Variants in MGAT4C observed in about 807,000 individuals in gnomAD.
MGAT4C encodes MGAT4 family member C, also known as alpha-1,3-mannosyl-glycoprotein 4-beta-N-acetylglucosaminyltransferase C.
MGAT4C carries 19 observed loss-of-function variants against 40.1 expected under a neutral mutation model. The ratio of observed to expected loss-of-function variants is 0.47; its 90% CI spans 0.33 to 0.70. The LOEUF (loss-of-function observed/expected upper bound fraction) is 0.70, where lower values mean the gene tolerates loss of function less well. Ranked by LOEUF, MGAT4C falls within the 30% of genes least tolerant of loss-of-function variation. The pLI, the probability that MGAT4C is intolerant of heterozygous loss-of-function variation, is 0.02. For synonymous variants in MGAT4C, 181 were observed against 187.1 expected, an observed-to-expected ratio of 0.97 and a Z score of 0.27; for missense variants, 491 against 563.2, an observed-to-expected ratio of 0.87 and a Z score of 1.30.
intron 1 of MGAT4C, among the ~76,000 whole-genome samples, chr12:86,819,462 G>T (rs1391935231): frequency 6.6e-6 from 1 of 150,986 alleles, no homozygotes; most frequent in South Asian, 2.1e-4. Context: ...CTAGAAACTT[G>T]TAATAATAGA....
intron 1 of MGAT4C, among the ~76,000 whole-genome samples, chr12:86,102,025 T>C (rs371296067): frequency 1.1e-4 from 17 of 151,980 alleles, no homozygotes; most frequent in African/African-American, 4.1e-4. Context: ...ACTGGCCTAA[T>C]TAATCACAAA....
chr12:86,664,551 AGTTAGGG>A lies in MGAT4C; in HGVS notation c.-229+62651_-229+62657del, dbSNP rs1964055761. Among the ~76,000 whole-genome samples, 3 of 152,152 alleles carry A rather than the reference AGTTAGGG, an allele frequency of 2.0e-5. No homozygotes were observed. The South Asian group carries it at 6.2e-4, about 32-fold the overall frequency. On this transcript the variant is annotated intron_variant, in intron 2 of 7. Coordinates refer to the MGAT4C transcript ENST00000548651. ...TTTTAGTTTGTGTAGAAGCATCATAAGTTAGGGACCATCTGTAGTTAAGAATGCTATA... is the reference window on the plus strand; with the variant it reads ...TTTTAGTTTGTGTAGAAGCATCATAAACCATCTGTAGTTAAGAATGCTATA...
chr12:86,169,539 G>A (rs1411490703), intron 1 of MGAT4C, among the ~76,000 whole-genome samples: 1 of 152,102 alleles, frequency 6.6e-6, no homozygotes, highest in Non-Finnish European at 1.5e-5. Context: ...TGCACAAGCA[G>A]ATACATATCC....
At chr12:86,110,172 T>A (rs957722041) in intron 1 of MGAT4C, among the ~76,000 whole-genome samples, 5 of 146,422 alleles carry the variant, frequency 3.4e-5, no homozygotes, top group African/African-American at 1.3e-4. Context: ...TGTTAGGAGA[T>A]TAGTATCTAA....
At chr12:86,124,002 T>C (rs574778216) in intron 1 of MGAT4C, among the ~76,000 whole-genome samples, 4 of 151,922 alleles carry the variant, frequency 2.6e-5, no homozygotes, top group Non-Finnish European at 5.9e-5. Flanking sequence ...ATTCTACGAC[T>C]CCACCGATAG....
chr12:86,129,130 A>G (rs1202324026), intron 1 of MGAT4C, among the ~76,000 whole-genome samples: 1 of 151,284 alleles, frequency 6.6e-6, no homozygotes, highest in Non-Finnish European at 1.5e-5. Context: ...TTGAGGAGGA[A>G]TTATTTAATT....
intron 1 of MGAT4C, among the ~76,000 whole-genome samples, chr12:86,817,986 C>T (rs563580014): frequency 6.6e-6 from 1 of 151,236 alleles, no homozygotes; most frequent in African/African-American, 2.4e-5. Flanking sequence ...ATATAACTTA[C>T]CTGAAGAACT....
intron 1 of MGAT4C, among the ~76,000 whole-genome samples, chr12:86,816,873 C>G (rs898677484): frequency 3.3e-5 from 5 of 150,998 alleles, no homozygotes; most frequent in Admixed American, 2.0e-4. Context: ...TTTATTGTTT[C>G]TCACTGTTAT....
intron 1 of MGAT4C, among the ~76,000 whole-genome samples, chr12:86,238,093 C>G (rs1532262): frequency 0.72 from 109,173 of 151,710 alleles, 39,594 homozygotes; most frequent in East Asian, 0.95. Flanking sequence ...TTTTGATAAC[C>G]TGTGTGAACC....
intron 1 of MGAT4C, among the ~76,000 whole-genome samples, chr12:86,119,710 C>A (rs1334070911): frequency 6.6e-6 from 1 of 150,726 alleles, no homozygotes; most frequent in Non-Finnish European, 1.5e-5. Context: ...TGCCCGGCCC[C>A]CTCCCACCAT....
rs1883591775 is a variant in MGAT4C, at chr12:85,970,907, T to C, written c.*8382A>G. 2 of 151,260 alleles carry C rather than the reference T, an allele frequency of 1.3e-5. No individual in the cohort carries two copies. Among genetic ancestry groups the C allele is most frequent in the Non-Finnish European group, 3.0e-5 (2 of 67,360 alleles). 9.4% of individuals were successfully genotyped at this position (151,260 alleles called of 1,614,324 possible). On this transcript the variant is annotated 3_prime_UTR_variant, in exon 5 of 5. Coordinates refer to ENST00000611864, the MANE Select transcript of MGAT4C (RefSeq NM_001351288.2). ...CTATTGCTCCTAACACATGAGTGGC[T>C]AAAATTGCAAACTTAATCACATAAA... is the stretch of plus-strand genomic sequence containing the variant.
At chr12:86,409,116 T>G (rs896804160) in intron 3 of MGAT4C, among the ~76,000 whole-genome samples, 6 of 152,180 alleles carry the variant, frequency 3.9e-5, no homozygotes, top group African/African-American at 1.2e-4. Context: ...TGAAGAACTC[T>G]AAATTCAACA....
At chr12:86,083,465 G>A (rs988179765) in intron 1 of MGAT4C, among the ~76,000 whole-genome samples, 10 of 152,012 alleles carry the variant, frequency 6.6e-5, no homozygotes, top group Non-Finnish European at 1.0e-4. Context: ...TGATCTGTCT[G>A]CCCCTCTCTA....
intron 1 of MGAT4C, among the ~76,000 whole-genome samples, chr12:86,810,288 G>A (rs935507854): frequency 1.3e-5 from 2 of 151,682 alleles, no homozygotes; most frequent in Non-Finnish European, 2.9e-5. Flanking sequence ...GTCTACAAAT[G>A]GTGAGTTTTG....
chr12:86,004,059 G>T (rs947052130), intron 2 of MGAT4C, among the ~76,000 whole-genome samples: 3 of 152,178 alleles, frequency 2.0e-5, no homozygotes, highest in African/African-American at 2.4e-5. Flanking sequence ...AATCTTAAGT[G>T]AAATCTTGTT....
chr12:86,495,430 C>T (rs1351753758), intron 2 of MGAT4C: 1 of 151,998 alleles, frequency 6.6e-6, no homozygotes, highest in Non-Finnish European at 1.5e-5. Context: ...AGCTCAGTGG[C>T]AAATGAAAAT....
At chr12:86,116,217 G>A (rs887974687) in intron 1 of MGAT4C, among the ~76,000 whole-genome samples, 1 of 152,040 alleles carries the variant, frequency 6.6e-6, no homozygotes, top group South Asian at 2.1e-4. Flanking sequence ...CTTTCTTCTC[G>A]ATGGGAAGCA....
chr12:86,275,630 G>A (rs2136111922), intron 4 of MGAT4C, among the ~76,000 whole-genome samples: 1 of 152,250 alleles, frequency 6.6e-6, no homozygotes, highest in Non-Finnish European at 1.5e-5. Flanking sequence ...ATAAAGGAAA[G>A]CCAGAGTCAG....
chr12:86,775,954 GAAT>G (rs1248883715), intron 1 of MGAT4C, among the ~76,000 whole-genome samples: 3 of 151,708 alleles, frequency 2.0e-5, no homozygotes, highest in South Asian at 2.1e-4. Context: ...AACAATTCGA[GAAT>G]AATACATAAA....
Sources: allele counts gnomAD v4.1 joint callset (sites outside exome capture counted in the v4.1 genomes callset), GRCh38; gene constraint gnomAD v4.1.1; transcripts MANE v1.5; gene names NCBI Gene and HGNC (gene_info 2026-07-23, HGNC 2026-07-21).